Variants in RNF123 observed in about 807,000 individuals in gnomAD.
RNF123 encodes the protein E3 ubiquitin-protein ligase RNF123.
RNF123 carries 86 observed loss-of-function variants against 168.5 expected under a neutral mutation model. That is an observed-to-expected ratio of 0.51 (90% CI 0.43 to 0.61). The LOEUF is 0.61. Ranked by LOEUF, RNF123 falls within the 20% of genes least tolerant of loss-of-function variation. The pLI is 0.00. For missense variants in RNF123, 1,419 were observed against 1,729.7 expected, an observed-to-expected ratio of 0.82 and a Z score of 3.19; for synonymous variants, 666 against 689.1, an observed-to-expected ratio of 0.97 and a Z score of 0.52.
At chr3:49,715,271 G>A (rs1016163726) in intron 31 of RNF123, among the ~76,000 whole-genome samples, 1 of 152,236 alleles carries the variant, frequency 6.6e-6, no homozygotes, top group African/African-American at 2.4e-5. Flanking sequence ...AAGGGTGTGC[G>A]ACCCAGAACT....
chr3:49,700,638 C>G lies in RNF123; in HGVS notation c.1206C>G (p.Ile402Met), dbSNP rs1309702385. Residue 402 changes from isoleucine to methionine, a missense_variant and splice_region_variant, in exon 15 of 39, where the codon ATC (isoleucine) becomes ATG (methionine). By Grantham distance (10) the Ile-to-Met change is conservative. Coordinates refer to ENST00000327697, the MANE Select transcript of RNF123 (RefSeq NM_022064.5). ...SPIVPDLGLQ[I>M]HYLRLTIAIL... ...CTCTGAACGCCCCCTCTCCACAGAT[C>G]CATTACCTGCGGCTCACTATCGCCA... 1.2e-6 allele frequency: 2 copies of G among 1,614,094 alleles called. No homozygotes were observed. Among genetic ancestry groups the G allele is most frequent in the South Asian group, 1.1e-5 (1 of 91,086 alleles).
intron 23 of RNF123, among the ~76,000 whole-genome samples, 175 bp from the exon 24 acceptor site, chr3:49,705,359 C>G (rs2054494017): frequency 6.6e-6 from 1 of 152,204 alleles, no homozygotes; most frequent in African/African-American, 2.4e-5. Flanking sequence ...GAAATAGGTC[C>G]TGGCACCGCA....
In RNF123 at chr3:49,699,640, C is replaced by T. The variant is rs1437357879; in HGVS notation, c.880-28C>T. ...GGCTTCCACAGCCTCCTGCCCCTCA[C>T]ACTTCTCCCTCCTCCCCCTCCACAC... On this transcript the variant is annotated intron_variant, in intron 11 of 38. Transcript: ENST00000327697. This position sits in a 1 kb window ranked among gnomAD's most constrained non-coding sequence, Gnocchi z 4.8. The T allele has an allele frequency of 1.9e-6, 3 of 1,613,046 alleles. No homozygotes were observed. The highest frequency in any genetic ancestry group is 2.7e-5 in the African/African-American group (2 of 74,890).
intron 3 of RNF123, among the ~76,000 whole-genome samples, chr3:49,695,277 T>C (rs2054246530): frequency 6.6e-6 from 1 of 152,170 alleles, no homozygotes; most frequent in Admixed American, 6.5e-5. Flanking sequence ...TAATTTTTTT[T>C]TTTTAAGAGA....
At chr3:49,712,208 T>TC (rs1299068991) in intron 26 of RNF123, among the ~76,000 whole-genome samples, 2 of 142,054 alleles carry the variant, frequency 1.4e-5, no homozygotes, top group African/African-American at 5.2e-5. Context: ...CCTGGGTGAC[T>TC]CCATCTCAAA....
chr3:49,694,005 C>T (rs542060994), intron 3 of RNF123, among the ~76,000 whole-genome samples: 6 of 151,076 alleles, frequency 4.0e-5, no homozygotes, highest in Non-Finnish European at 8.8e-5. Context: ...GGTTATTAAT[C>T]CCTTGTCAGA....
Position 49,701,821 on chromosome 3 carries a change from G to A in RNF123, c.1406G>A (p.Ser469Asn), listed in dbSNP as rs1218047468. Residue 469 changes from serine (S) to asparagine (N), a missense_variant, in exon 17 of 39, where the codon AGC (serine) becomes AAC (asparagine). Ser to Asn is a conservative substitution (Grantham distance 46). This residue lies in a region of RNF123 where 349 missense variants were observed against 344.9 expected (regional missense o/e 1.01). Coordinates refer to ENST00000327697, the MANE Select transcript of RNF123 (RefSeq NM_022064.5). The stretch of plus-strand genomic sequence containing the variant: ...GCTACCCCTGCCTAGGGCAAAGAGA[G>A]CACGGAGATGAAGGAGGAGACCGCA... ...PHCSSREGKE[S>N]TEMKEETAEE... is the part of the protein sequence containing the mutation. The A allele has an allele frequency of 1.9e-6, 3 of 1,572,228 alleles. No homozygotes were observed. Among genetic ancestry groups the A allele is most frequent in the Non-Finnish European group, 2.6e-6 (3 of 1,158,910 alleles).
chr3:49,698,076 T>A lies in RNF123; in HGVS notation c.422T>A (p.Ile141Asn), dbSNP rs1287370900. Reference sequence around the variant, plus strand: ...GGGAAATGGCTCTACGAGGTCCTCATCTCCTCCCAGGGGCTCATGCAGATC... The same window carrying A: ...GGGAAATGGCTCTACGAGGTCCTCAACTCCTCCCAGGGGCTCATGCAGATC... Reference protein sequence around the residue: ...YKGKWLYEVLISSQGLMQIGW... With the variant: ...YKGKWLYEVLNSSQGLMQIGW... Residue 141 changes from isoleucine (I) to asparagine (N), a missense_variant, in exon 7 of 39, where the codon ATC (isoleucine) becomes AAC (asparagine). This residue lies in a region of RNF123 where 318 missense variants were observed against 446.6 expected (regional missense o/e 0.71). Coordinates refer to ENST00000327697, the MANE Select transcript of RNF123 (RefSeq NM_022064.5). The A allele has an allele frequency of 6.8e-6, 11 of 1,613,810 alleles. No individual in the cohort carries two copies. The highest frequency in any genetic ancestry group is 8.5e-6 in the Non-Finnish European group (10 of 1,179,958).
At chr3:49,693,510 C>T (rs773906082) in intron 3 of RNF123, among the ~76,000 whole-genome samples, 1 of 151,906 alleles carries the variant, frequency 6.6e-6, no homozygotes, top group Non-Finnish European at 1.5e-5. Flanking sequence ...GCACAAACCA[C>T]CACACCCAGT....
intron 26 of RNF123, among the ~76,000 whole-genome samples, chr3:49,712,102 G>A (rs2080154918): frequency 6.6e-6 from 1 of 152,006 alleles, no homozygotes; most frequent in Admixed American, 6.6e-5. Flanking sequence ...TCACATACCT[G>A]TAGTCCCAGC....
Position 49,712,591 on chromosome 3 carries a change from C to G in RNF123, c.2609C>G (p.Ala870Gly). 2 of 1,614,192 alleles carry G rather than the reference C, an allele frequency of 1.2e-6. No individual in the cohort carries two copies. Among genetic ancestry groups the G allele is most frequent in the Non-Finnish European group, 1.7e-6 (2 of 1,180,030 alleles). The change falls in exon 27 of 39, where the codon GCC (alanine) becomes GGC (glycine). Residue 870 changes from alanine (A) to glycine (G), a missense_variant. By Grantham distance (60) the Ala-to-Gly change is moderately conservative. Transcript: ENST00000327697. ...ATGCCCGAGTTCTACCTGAGCGTGG[C>G]CATCAACAGCTACAGTGCTCTCAAG... ...AFMPEFYLSV[A>G]INSYSALKNY...
chr3:49,715,466 G>A, intron 31 of RNF123, 109 bp from the exon 32 acceptor site: 1 of 1,332,790 alleles, frequency 7.5e-7, no homozygotes. Context: ...TTCCTAGGGA[G>A]CCATCTTTCT....
chr3:49,711,949 TC>T (rs2080152202), intron 26 of RNF123, among the ~76,000 whole-genome samples: 1 of 152,054 alleles, frequency 6.6e-6, no homozygotes, highest in Non-Finnish European at 1.5e-5. Context: ...CACACAGACT[TC>T]CAGTCACAGC....
chr3:49,697,336 G>A, intron 4 of RNF123, 27 bp from the exon 5 acceptor site: 1 of 1,604,324 alleles, frequency 6.2e-7, no homozygotes, highest in Non-Finnish European at 8.5e-7. Context: ...GCTCCACCCT[G>A]CCTGACCCCA....
In RNF123 at chr3:49,700,258, T is replaced by C. The variant is rs201194748; in HGVS notation, c.1016T>C (p.Met339Thr). ...GTGTATCTGGTGGAGGCTGTGCTCA[T>C]GAGCTTCTTGCTGGGCATCGTGGAG... is the stretch of plus-strand genomic sequence containing the variant. ...RKVYLVEAVL[M>T]SFLLGIVEKG... The change falls in exon 13 of 39, where the codon ATG (methionine) becomes ACG (threonine). Residue 339 changes from methionine to threonine, a missense_variant. Transcript: ENST00000327697. 1.4e-4 allele frequency: 228 copies of C among 1,609,966 alleles called. No individual in the cohort carries two copies. Among genetic ancestry groups the C allele is most frequent in the Non-Finnish European group, 1.9e-4 (220 of 1,177,026 alleles).
intron 15 of RNF123, 29 bp downstream of exon 15, chr3:49,700,738 A>G (rs755606859): frequency 6.2e-7 from 1 of 1,612,620 alleles, no homozygotes; most frequent in Non-Finnish European, 8.5e-7. Flanking sequence ...CTGGCAGGCC[A>G]GACATGGGGT....
chr3:49,697,397 G>A lies in RNF123; in HGVS notation c.282G>A (p.Val94=), dbSNP rs767289823. 5 of 1,610,394 alleles carry A rather than the reference G, an allele frequency of 3.1e-6. No homozygotes were observed. In the Admixed American group the frequency reaches 5.0e-5, roughly 16 times the overall value. Residue 94 remains valine (V), a synonymous_variant, in exon 5 of 39, where the codon GTG becomes GTA. Coordinates refer to ENST00000327697, the MANE Select transcript of RNF123 (RefSeq NM_022064.5). The part of the protein sequence containing the change: ...QVEGRLGPST[V]VLDHTGGFEG... ...AAGGGCGGCTTGGCCCATCCACTGTGGTCCTGGACCACACAGGCGGCTTTG... is the reference window on the plus strand; with the variant it reads ...AAGGGCGGCTTGGCCCATCCACTGTAGTCCTGGACCACACAGGCGGCTTTG...
intron 13 of RNF123, 33 bp downstream of exon 13, chr3:49,700,385 C>G (rs1298107264): frequency 6.2e-7 from 1 of 1,613,144 alleles, no homozygotes; most frequent in Admixed American, 1.7e-5. Flanking sequence ...TCAGGCCTGG[C>G]TGTCAGTCTT....
intron 12 of RNF123, 112 bp from the exon 13 acceptor site, chr3:49,700,115 G>C: frequency 1.4e-6 from 2 of 1,480,362 alleles, no homozygotes; most frequent in Non-Finnish European, 1.8e-6. Flanking sequence ...GGTGTTGCTC[G>C]AGTGGCTCAA....
Sources: gnomAD v4.1 joint callset for allele counts (sites outside exome capture counted in the v4.1 genomes callset) on GRCh38, gnomAD v4.1.1 for gene constraint, gnomAD v4.1.1 regional missense constraint, Gnocchi (gnomAD v3.1) non-coding constraint, MANE v1.5 for transcripts, NCBI Gene and HGNC (gene_info 2026-07-23, HGNC 2026-07-21) for gene names.